Variants in RELN observed in about 807,000 individuals in gnomAD.
RELN encodes the protein reelin.
In RELN, 108 loss-of-function variants were observed where a neutral mutation model predicts 427.6. The ratio of observed to expected loss-of-function variants is 0.25; its 90% CI spans 0.22 to 0.30. The LOEUF is 0.30. RELN is among the 10% of genes least tolerant of loss of function. The pLI, the probability that RELN is intolerant of heterozygous loss-of-function variation, is 1.00. For missense variants in RELN, 3,715 were observed against 4,302.8 expected (o/e 0.86, Z 3.82); for synonymous variants, 1,524 against 1,513.4 (o/e 1.01, Z -0.16).
At chr7:103,793,241 TA>T (rs1792211483) in intron 3 of RELN, among the ~76,000 whole-genome samples, 1 of 152,228 alleles carries the variant, frequency 6.6e-6, no homozygotes, top group Non-Finnish European at 1.5e-5. Flanking sequence ...ATGTAATGAT[TA>T]ATTAAAAGTC....
At chr7:103,479,855 C>A (rs1362333016) in intron 63 of RELN, among the ~76,000 whole-genome samples, 1 of 152,092 alleles carries the variant, frequency 6.6e-6, no homozygotes, top group African/African-American at 2.4e-5. Flanking sequence ...ATATAAGATA[C>A]CATGCATGAC....
At position 103,776,611 on chromosome 7, in the gene RELN, G is replaced by A. The variant is rs776886354; in HGVS notation, c.490C>T (p.Arg164Trp). The stretch of plus-strand genomic sequence containing the variant: ...GCATCTTTGAAAATAACCTGGCCCC[G>A]GTGTGTTGCTGTAGCCCTGGAAACA... ...CVNFMATATH[R>W]GQVIFKDALA... Residue 164 changes from arginine to tryptophan, a missense_variant, in exon 4 of 65, where the codon CGG becomes TGG. Physicochemically the swap from Arg to Trp is moderately radical, Grantham distance 101. Transcript: ENST00000428762. 100 of 1,613,860 alleles carry A rather than the reference G, an allele frequency of 6.2e-5. No individual in the cohort carries two copies. Among genetic ancestry groups the A allele is most frequent in the South Asian group, 1.6e-4 (15 of 91,072 alleles).
intron 20 of RELN, among the ~76,000 whole-genome samples, chr7:103,625,057 C>T (rs572726652): frequency 2.6e-5 from 4 of 152,234 alleles, no homozygotes; most frequent in Non-Finnish European, 4.4e-5. Context: ...CTTTCCTTAT[C>T]TTAATTCTTG....
At chr7:103,631,952 AAATT>A (rs1437778467) in intron 19 of RELN, among the ~76,000 whole-genome samples, 1 of 152,192 alleles carries the variant, frequency 6.6e-6, no homozygotes, top group Non-Finnish European at 1.5e-5. Context: ...TCATGAAAAT[AAATT>A]ATTATTTTTT....
chr7:103,703,280 C>G (rs1584420259), intron 8 of RELN, among the ~76,000 whole-genome samples: 1 of 152,184 alleles, frequency 6.6e-6, no homozygotes, highest in African/African-American at 2.4e-5. Context: ...CTACTCCCGC[C>G]CGGTGTAGCT....
chr7:103,562,103 T>G, intron 34 of RELN, 150 bp from the exon 35 acceptor site: 1 of 886,002 alleles, frequency 1.1e-6, no homozygotes, highest in South Asian at 1.6e-5. Flanking sequence ...ATTTTCCTAC[T>G]AAGTAGTAAG....
chr7:103,901,286 C>T (rs938750795), intron 2 of RELN, among the ~76,000 whole-genome samples: 1 of 151,896 alleles, frequency 6.6e-6, no homozygotes, highest in African/African-American at 2.4e-5. Context: ...AGAAACTGAA[C>T]CTCTCATACA....
intron 7 of RELN, among the ~76,000 whole-genome samples, chr7:103,725,399 A>T (rs911598461): frequency 4.0e-5 from 6 of 151,870 alleles, no homozygotes; most frequent in Non-Finnish European, 5.9e-5. Context: ...CAAACAATTT[A>T]AAAAAATTAG....
chr7:103,861,643 C>G lies in RELN; in HGVS notation c.338-27971G>C, dbSNP rs77425205. Reference sequence around the variant, plus strand: ...ATACAGGAAGTTGCCAACAGTGTCACATATTGCGAAGAGACCCAGAAAGGT... The same window carrying G: ...ATACAGGAAGTTGCCAACAGTGTCAGATATTGCGAAGAGACCCAGAAAGGT... On this transcript the variant is annotated intron_variant, in intron 2 of 64. Transcript: ENST00000428762. 4.1e-3 allele frequency among the ~76,000 whole-genome samples: 622 copies of G among 152,232 alleles called. 22 individuals carry two copies. In the East Asian group the frequency reaches 0.072, roughly 18 times the overall value.
In RELN at chr7:103,563,999, G is replaced by A. The variant is rs1584298990; in HGVS notation, c.5210+1279C>T. ...TCACACAACAATGGAATTGCCTAAC[G>A]ATGCATTTCTCAGATGTATCACCAT... On this transcript the variant is annotated intron_variant, in intron 34 of 64. Coordinates refer to ENST00000428762, the MANE Select transcript of RELN (RefSeq NM_005045.4). This position sits in a 1 kb window ranked among gnomAD's most constrained non-coding sequence, Gnocchi z 4.1. 1.3e-5 allele frequency among the ~76,000 whole-genome samples: 2 copies of A among 152,272 alleles called. No individual in the cohort carries two copies. Among genetic ancestry groups the A allele is most frequent in the African/African-American group, 2.4e-5 (1 of 41,560 alleles).
chr7:103,551,100 T>A lies in RELN; in HGVS notation c.6269A>T (p.Glu2090Val). Residue 2090 changes from glutamate to valine, a missense_variant, in exon 41 of 65, where the codon GAG (glutamate) becomes GTG (valine). Physicochemically the swap from Glu to Val is moderately radical, Grantham distance 121. This residue lies in a region of RELN where 1,310 missense variants were observed against 1,643.0 expected (regional missense o/e 0.80). Coordinates refer to ENST00000428762, the MANE Select transcript of RELN (RefSeq NM_005045.4). ...YAGTMQGWRREVVHFGKLHLC... is the reference protein window; with the variant it reads ...YAGTMQGWRRVVVHFGKLHLC... ...GTGCAGCTTCCCAAAGTGCACGACC[T>A]CCCTCCTCCAGCCCTGCATGGTTCC... is the stretch of plus-strand genomic sequence containing the variant. 1 of 1,613,534 alleles carries A rather than the reference T, an allele frequency of 6.2e-7. No homozygotes were observed. Among genetic ancestry groups the A allele is most frequent in the East Asian group, 2.2e-5 (1 of 44,852 alleles).
chr7:103,912,288 C>T (rs2116657447), intron 2 of RELN, among the ~76,000 whole-genome samples: 1 of 150,596 alleles, frequency 6.6e-6, no homozygotes, highest in East Asian at 2.0e-4. Flanking sequence ...CCTCCACCTC[C>T]CGGGTCAAGT....
At chr7:103,862,121 C>A (rs528467608) in intron 2 of RELN, among the ~76,000 whole-genome samples, 2 of 151,844 alleles carry the variant, frequency 1.3e-5, no homozygotes, top group African/African-American at 4.8e-5. Flanking sequence ...GTAGGAAATC[C>A]GAGGAGAGTG....
intron 10 of RELN, among the ~76,000 whole-genome samples, chr7:103,685,718 T>G (rs887048131): frequency 2.6e-5 from 4 of 152,134 alleles, no homozygotes; most frequent in African/African-American, 9.7e-5. Context: ...TAAAGTCCCT[T>G]AAGTATGGCT....
intron 4 of RELN, among the ~76,000 whole-genome samples, chr7:103,775,059 T>G (rs1203488961): frequency 6.6e-6 from 1 of 152,150 alleles, no homozygotes; most frequent in African/African-American, 2.4e-5. Flanking sequence ...GACTAAAAAA[T>G]TTAAGGCTTA....
At chr7:103,914,619 G>A (rs1217234098) in intron 2 of RELN, among the ~76,000 whole-genome samples, 1 of 151,870 alleles carries the variant, frequency 6.6e-6, no homozygotes, top group African/African-American at 2.4e-5. Context: ...AATTATCAGG[G>A]CTACCCAGCA....
intron 3 of RELN, among the ~76,000 whole-genome samples, chr7:103,810,812 C>T (rs1249490793): frequency 6.6e-6 from 1 of 152,204 alleles, no homozygotes; most frequent in Non-Finnish European, 1.5e-5. Flanking sequence ...AACTTTCTCT[C>T]CCTTTTTAAA....
chr7:103,794,016 C>T (rs2116282343), intron 3 of RELN, among the ~76,000 whole-genome samples: 1 of 152,254 alleles, frequency 6.6e-6, no homozygotes, highest in Non-Finnish European at 1.5e-5. Context: ...ATCCACCTGC[C>T]TCAGCCTCCC....
In RELN at chr7:103,571,901, C is replaced by T. The variant is rs3025947; in HGVS notation, c.4588+283G>A. Reference sequence around the variant, plus strand: ...TATTGTTTTGGGATTTTTTTTTGTGCCTCCCTGCGGATAGTATAAAGGAAT... The same window carrying T: ...TATTGTTTTGGGATTTTTTTTTGTGTCTCCCTGCGGATAGTATAAAGGAAT... On this transcript the variant is annotated intron_variant, in intron 31 of 64. Transcript: ENST00000428762. Among the ~76,000 whole-genome samples the T allele has an allele frequency of 0.011, 1,603 of 151,846 alleles. 25 individuals are homozygous for T. Among genetic ancestry groups the T allele is most frequent in the African/African-American group, 0.037 (1,522 of 41,374 alleles).
Sources: gnomAD v4.1 joint callset for allele counts (sites outside exome capture counted in the v4.1 genomes callset) on GRCh38, gnomAD v4.1.1 for gene constraint, gnomAD v4.1.1 regional missense constraint, Gnocchi (gnomAD v3.1) non-coding constraint, MANE v1.5 for transcripts, NCBI Gene and HGNC (gene_info 2026-07-23, HGNC 2026-07-21) for gene names.